Variants in IKBKB-DT observed in about 807,000 individuals in gnomAD.
The protein encoded by IKBKB-DT is IKBKB divergent transcript.
At chr8:42,244,300 T>C (rs998873299) in intron 3 of IKBKB-DT, among the ~76,000 whole-genome samples, 1 of 152,206 alleles carries the variant, frequency 6.6e-6, no homozygotes. Flanking sequence ...TCAGTTATCC[T>C]ATTTGGGAGA....
intron 1 of IKBKB-DT, among the ~76,000 whole-genome samples, chr8:42,267,416 GTACTGTGGTACTAAT>G (rs1199352272): frequency 3.9e-5 from 6 of 152,130 alleles, no homozygotes; most frequent in Admixed American, 3.9e-4. Flanking sequence ...TAACGGTACT[GTACTGTGGTACTAAT>G]TACTGCAGAA....
chr8:42,244,971 C>G (rs935346385), intron 3 of IKBKB-DT, among the ~76,000 whole-genome samples: 3 of 152,010 alleles, frequency 2.0e-5, no homozygotes, highest in Non-Finnish European at 2.9e-5. Flanking sequence ...TAGTTTGGGC[C>G]GGGCGTGGTG....
intron 3 of IKBKB-DT, among the ~76,000 whole-genome samples, chr8:42,261,404 T>C (rs1807287452): frequency 2.0e-5 from 3 of 152,084 alleles, no homozygotes. Context: ...GCATTTAAAA[T>C]GTAACACCAG....
At chr8:42,261,825 C>T (rs987015663) in intron 3 of IKBKB-DT, among the ~76,000 whole-genome samples, 3 of 152,206 alleles carry the variant, frequency 2.0e-5, no homozygotes, top group Non-Finnish European at 4.4e-5. Context: ...GCAGCCCACA[C>T]TTCTCTTTCT....
intron 1 of IKBKB-DT, among the ~76,000 whole-genome samples, chr8:42,268,524 G>C (rs766458334): frequency 6.6e-6 from 1 of 152,002 alleles, no homozygotes; most frequent in Non-Finnish European, 1.5e-5. Flanking sequence ...GCCTGCCTCG[G>C]CCTTCCAAAG....
intron 3 of IKBKB-DT, among the ~76,000 whole-genome samples, chr8:42,255,029 C>T (rs1047114526): frequency 5.3e-5 from 8 of 150,078 alleles, no homozygotes; most frequent in African/African-American, 9.8e-5. Context: ...ATGTGAGGAG[C>T]GCGTCTGCCC....
intron 3 of IKBKB-DT, among the ~76,000 whole-genome samples, chr8:42,246,615 G>A (rs888926787): frequency 6.6e-6 from 1 of 152,196 alleles, no homozygotes; most frequent in Non-Finnish European, 1.5e-5. Flanking sequence ...AAACATCTAT[G>A]TGCAATGGAT....
chr8:42,240,223 GT>G (rs61546766), intron 3 of IKBKB-DT, among the ~76,000 whole-genome samples: 240 of 140,264 alleles, frequency 1.7e-3, no homozygotes, highest in East Asian at 4.0e-3. Flanking sequence ...GCCAAATGCT[GT>G]TTTTTTTTTT....
At chr8:42,246,103 C>T (rs909639700) in intron 3 of IKBKB-DT, among the ~76,000 whole-genome samples, 1 of 152,210 alleles carries the variant, frequency 6.6e-6, no homozygotes, top group African/African-American at 2.4e-5. Flanking sequence ...GTGGCACAGT[C>T]ACAGCTCACT....
chr8:42,260,774 G>GT (rs1287015684), intron 3 of IKBKB-DT, among the ~76,000 whole-genome samples: 2 of 151,212 alleles, frequency 1.3e-5, no homozygotes, highest in Non-Finnish European at 2.9e-5. Flanking sequence ...TATTTGAATA[G>GT]TTTTTTTCCT....
chr8:42,235,560 C>T (rs147799624), intron 3 of IKBKB-DT, among the ~76,000 whole-genome samples: 7 of 152,200 alleles, frequency 4.6e-5, no homozygotes, highest in South Asian at 2.1e-4. Context: ...AACCAGATGG[C>T]CCCACCCAGG....
At chr8:42,238,130 A>G (rs755829280) in intron 3 of IKBKB-DT, among the ~76,000 whole-genome samples, 1 of 151,862 alleles carries the variant, frequency 6.6e-6, no homozygotes, top group Non-Finnish European at 1.5e-5. Flanking sequence ...GGGAGCAGTA[A>G]CTAGGAATTC....
chr8:42,250,180 A>T (rs1391217212), intron 3 of IKBKB-DT, among the ~76,000 whole-genome samples: 1 of 152,100 alleles, frequency 6.6e-6, no homozygotes, highest in Non-Finnish European at 1.5e-5. Context: ...GTGACTAGGT[A>T]ATGATTGCTT....
chr8:42,264,447 C>T (rs10103085), intron 2 of IKBKB-DT, among the ~76,000 whole-genome samples: 8,681 of 152,168 alleles, frequency 0.057, 761 homozygotes, highest in African/African-American at 0.19. Flanking sequence ...TGACCCACTA[C>T]GCCTGGCAAG....
At chr8:42,238,596 G>C (rs140463137) in intron 3 of IKBKB-DT, among the ~76,000 whole-genome samples, 2 of 152,334 alleles carry the variant, frequency 1.3e-5, no homozygotes, top group Admixed American at 6.5e-5. Flanking sequence ...CTGGTTAGGA[G>C]TCACGGAGCC....
intron 3 of IKBKB-DT, among the ~76,000 whole-genome samples, chr8:42,237,858 C>T (rs61414291): frequency 0.16 from 24,839 of 151,200 alleles, 4,319 homozygotes; most frequent in African/African-American, 0.44. Context: ...ACCCCCTCTC[C>T]ACAAAAAATC....
intron 1 of IKBKB-DT, among the ~76,000 whole-genome samples, chr8:42,269,740 T>G (rs1396542963): frequency 2.6e-5 from 4 of 151,990 alleles, no homozygotes; most frequent in Non-Finnish European, 1.5e-5. Flanking sequence ...CCCCTATGTT[T>G]GGGTTGAGAT....
At position 42,238,183 on chromosome 8, in the gene IKBKB-DT, C is replaced by T. The variant is rs1444822185; in HGVS notation, n.1530-4324G>A. Among the ~76,000 whole-genome samples, 4 of 152,036 alleles carry T rather than the reference C, an allele frequency of 2.6e-5. No homozygotes were observed. The East Asian group carries it at 7.7e-4, about 29-fold the overall frequency. Reference sequence around the variant, plus strand: ...AGAAATGTTAGTGGAAACCATTGTCCCTGCCTAGCAGTAATGAGTCCCTAC... The same window carrying T: ...AGAAATGTTAGTGGAAACCATTGTCTCTGCCTAGCAGTAATGAGTCCCTAC... On this transcript the variant is annotated intron_variant and non_coding_transcript_variant, in intron 3 of 3. Transcript: ENST00000518213.
chr8:42,244,311 A>G (rs1323477807), intron 3 of IKBKB-DT, among the ~76,000 whole-genome samples: 1 of 152,182 alleles, frequency 6.6e-6, no homozygotes, highest in Non-Finnish European at 1.5e-5. Flanking sequence ...ATTTGGGAGA[A>G]GAAGATCTTG....
Sources: gnomAD v4.1 joint callset for allele counts (sites outside exome capture counted in the v4.1 genomes callset) on GRCh38, gnomAD v4.1.1 for gene constraint, MANE v1.5 for transcripts, NCBI Gene and HGNC (gene_info 2026-07-23, HGNC 2026-07-21) for gene names.